The following SNX10 variants were observed in gnomAD, a reference collection of about 807,000 sequenced individuals.
The protein encoded by SNX10 is sorting nexin 10.
SNX10 carries 25 observed loss-of-function variants against 28.5 expected under a neutral mutation model. The ratio of observed to expected loss-of-function variants is 0.88; its 90% CI spans 0.64 to 1.22. SNX10 has a LOEUF of 1.22. SNX10 is among the 50% of genes most tolerant of loss of function. The pLI, the probability that SNX10 is intolerant of heterozygous loss-of-function variation, is 0.00. For missense variants in SNX10, 223 were observed against 242.6 expected, an observed-to-expected ratio of 0.92 and a Z score of 0.54; for synonymous variants, 62 against 81.4, an observed-to-expected ratio of 0.76 and a Z score of 1.28.
At chr7:26,346,148 G>A (rs564718252) in intron 1 of SNX10, among the ~76,000 whole-genome samples, 11 of 152,274 alleles carry the variant, frequency 7.2e-5, no homozygotes, top group African/African-American at 2.4e-4. Flanking sequence ...TCCAGCCCCA[G>A]CCTGACTGGC....
intron 1 of SNX10, among the ~76,000 whole-genome samples, chr7:26,314,500 A>G (rs1487679407): frequency 1.3e-5 from 2 of 152,194 alleles, no homozygotes; most frequent in Non-Finnish European, 2.9e-5. Context: ...TAAGTATAAT[A>G]TGGGTCCTGT....
intron 1 of SNX10, among the ~76,000 whole-genome samples, chr7:26,324,450 TTC>T (rs1299382579): frequency 2.6e-5 from 4 of 152,168 alleles, no homozygotes; most frequent in African/African-American, 9.7e-5. Context: ...GCCTCAATCA[TTC>T]TGTCTCACGT....
Position 26,339,153 on chromosome 7 carries a change from C to T in SNX10, c.-23-7267C>T, listed in dbSNP as rs549894717. On this transcript the variant is annotated intron_variant, in intron 1 of 6. Transcript: ENST00000338523. ...TCAAACCATGAACTGAATTCCTTCC[C>T]GAAGTTAGTTCAGCTTATGCCCAGG... 9.8e-5 allele frequency among the ~76,000 whole-genome samples: 15 copies of T among 152,296 alleles called. No individual in the cohort carries two copies. In the South Asian group the frequency reaches 1.0e-3, roughly 11 times the overall value.
chr7:26,325,619 A>G (rs1787475959), intron 1 of SNX10, among the ~76,000 whole-genome samples: 1 of 151,802 alleles, frequency 6.6e-6, no homozygotes, highest in Non-Finnish European at 1.5e-5. Flanking sequence ...CACTGCACCC[A>G]GCCATCAAAT....
chr7:26,310,199 G>A (rs1228733344), intron 1 of SNX10, among the ~76,000 whole-genome samples: 2 of 152,196 alleles, frequency 1.3e-5, no homozygotes, highest in African/African-American at 4.8e-5. Context: ...GCGGGCGACT[G>A]TCAACCCATC....
chr7:26,345,415 G>C (rs928304572), intron 1 of SNX10, among the ~76,000 whole-genome samples: 4 of 152,086 alleles, frequency 2.6e-5, no homozygotes, highest in Non-Finnish European at 4.4e-5. Flanking sequence ...CCTCTCCATG[G>C]GTCCTCTGAC....
intron 1 of SNX10, among the ~76,000 whole-genome samples, chr7:26,333,472 C>T (rs757640756): frequency 4.6e-5 from 7 of 151,804 alleles, no homozygotes; most frequent in Admixed American, 2.0e-4. Context: ...TACAGGTGCC[C>T]GCCACCGCAC....
At chr7:26,296,739 G>A (rs541926904) in intron 1 of SNX10, among the ~76,000 whole-genome samples, 2 of 152,240 alleles carry the variant, frequency 1.3e-5, no homozygotes, top group Admixed American at 6.5e-5. Flanking sequence ...TAGGTAGGAC[G>A]TGGTGGCTCA....
chr7:26,331,522 G>T (rs6461927), intron 1 of SNX10, among the ~76,000 whole-genome samples: 31,139 of 152,084 alleles, frequency 0.2, 3,774 homozygotes, highest in South Asian at 0.41. Flanking sequence ...GGAGGTCGAG[G>T]CTGCTGTGAG....
chr7:26,336,679 T>C (rs910510420), intron 1 of SNX10, among the ~76,000 whole-genome samples: 2 of 152,230 alleles, frequency 1.3e-5, no homozygotes, highest in African/African-American at 4.8e-5. Flanking sequence ...CACTCCAGCC[T>C]GGGTGACAGA....
chr7:26,353,006 T>G (rs1043803189), intron 2 of SNX10, among the ~76,000 whole-genome samples: 1 of 152,196 alleles, frequency 6.6e-6, no homozygotes, highest in African/African-American at 2.4e-5. Context: ...TTTCTGCACT[T>G]TTCCTGATGT....
chr7:26,310,157 T>C (rs1302674381), intron 1 of SNX10, among the ~76,000 whole-genome samples: 1 of 152,242 alleles, frequency 6.6e-6, no homozygotes, highest in Non-Finnish European at 1.5e-5. Context: ...TGATTAACCA[T>C]GAGTGGGCTC....
At chr7:26,292,296 G>A (rs1343530903) in intron 1 of SNX10, among the ~76,000 whole-genome samples, 1 of 152,112 alleles carries the variant, frequency 6.6e-6, no homozygotes, top group East Asian at 1.9e-4. Flanking sequence ...AATGATCAGC[G>A]CGGTAGAGCG....
At chr7:26,336,901 C>A (rs1005664254) in intron 1 of SNX10, among the ~76,000 whole-genome samples, 4 of 152,038 alleles carry the variant, frequency 2.6e-5, no homozygotes, top group Non-Finnish European at 4.4e-5. Context: ...TTTGAACATT[C>A]TTTCCTGTAC....
chr7:26,356,460 G>A (rs1468352385), intron 2 of SNX10, among the ~76,000 whole-genome samples: 1 of 152,130 alleles, frequency 6.6e-6, no homozygotes, highest in African/African-American at 2.4e-5. Flanking sequence ...GAAGGATGGC[G>A]GGCAGTGTCG....
intron 2 of SNX10, chr7:26,357,104 G>A (rs1331200294): frequency 4.4e-6 from 5 of 1,140,554 alleles, no homozygotes; most frequent in African/African-American, 3.2e-5. Context: ...CAGGAGCTTA[G>A]CGTCTGCTAG....
chr7:26,372,125 C>T, intron 6 of SNX10, 92 bp downstream of exon 6: 1 of 831,914 alleles, frequency 1.2e-6, no homozygotes, highest in Non-Finnish European at 1.8e-6. Flanking sequence ...ACACACTTCA[C>T]TTTTTTGTTG....
chr7:26,317,815 A>G (rs1402427143), intron 1 of SNX10, among the ~76,000 whole-genome samples: 1 of 151,828 alleles, frequency 6.6e-6, no homozygotes, highest in East Asian at 1.9e-4. Context: ...GGCACATACT[A>G]CCACGCCCAG....
At chr7:26,297,812 G>T (rs566731659) in intron 1 of SNX10, among the ~76,000 whole-genome samples, 1 of 152,074 alleles carries the variant, frequency 6.6e-6, no homozygotes, top group African/African-American at 2.4e-5. Flanking sequence ...CATAAAGCTG[G>T]CTCTATATGT....
Sources: allele counts gnomAD v4.1 joint callset (sites outside exome capture counted in the v4.1 genomes callset), GRCh38; gene constraint gnomAD v4.1.1; transcripts MANE v1.5; gene names NCBI Gene and HGNC (gene_info 2026-07-23, HGNC 2026-07-21).